The following PTPRD variants were observed in gnomAD, a reference collection of about 807,000 sequenced individuals.
The protein encoded by PTPRD is receptor-type tyrosine-protein phosphatase delta.
PTPRD carries 34 observed loss-of-function variants against 214.5 expected under a neutral mutation model. The ratio of observed to expected loss-of-function variants is 0.16; its 90% CI spans 0.12 to 0.21. The LOEUF (loss-of-function observed/expected upper bound fraction) is 0.21, where lower values mean the gene tolerates loss of function less well. PTPRD is among the 10% of genes least tolerant of loss of function. The pLI is 1.00. For missense variants in PTPRD, 2,545 were observed against 2,398.7 expected (o/e 1.06, Z -1.27); for synonymous variants, 1,128 against 845.7 (o/e 1.33, Z -5.79).
intron 10 of PTPRD, among the ~76,000 whole-genome samples, chr9:9,036,998 T>G (rs1361432333): frequency 6.6e-6 from 1 of 152,168 alleles, no homozygotes; most frequent in Non-Finnish European, 1.5e-5. Flanking sequence ...CACAAAAACG[T>G]ATGCTTCCAC....
At chr9:8,456,321 C>A (rs1473483264) in intron 33 of PTPRD, among the ~76,000 whole-genome samples, 1 of 152,048 alleles carries the variant, frequency 6.6e-6, no homozygotes, top group Non-Finnish European at 1.5e-5. Flanking sequence ...GCAGCCCGAA[C>A]TGCTAGAGAG....
chr9:8,949,033 G>C, intron 11 of PTPRD, among the ~76,000 whole-genome samples: 1 of 151,906 alleles, frequency 6.6e-6, no homozygotes. Flanking sequence ...AGACCAGCCT[G>C]ACTAACATGG....
chr9:9,729,093 A>G (rs2098140952), intron 7 of PTPRD, among the ~76,000 whole-genome samples: 2 of 152,142 alleles, frequency 1.3e-5, no homozygotes, highest in South Asian at 2.1e-4. Flanking sequence ...ATACCCAAAC[A>G]TAATAGCTCC....
chr9:10,502,044 C>T (rs1236236137), intron 2 of PTPRD, among the ~76,000 whole-genome samples: 1 of 151,546 alleles, frequency 6.6e-6, no homozygotes, highest in Non-Finnish European at 1.5e-5. Flanking sequence ...AGAAGAAAAT[C>T]GAGCTTAATT....
At chr9:10,197,315 A>C (rs1232340877) in intron 3 of PTPRD, among the ~76,000 whole-genome samples, 1 of 152,138 alleles carries the variant, frequency 6.6e-6, no homozygotes, top group African/African-American at 2.4e-5. Context: ...GGTAGGAATT[A>C]AACTGAGTTT....
At chr9:10,487,646 G>A (rs1485780222) in intron 2 of PTPRD, among the ~76,000 whole-genome samples, 2 of 151,356 alleles carry the variant, frequency 1.3e-5, no homozygotes, top group Admixed American at 1.3e-4. Context: ...AGTGGGAGTT[G>A]AACAATGAAT....
intron 12 of PTPRD, among the ~76,000 whole-genome samples, chr9:8,691,043 A>G (rs1597123194): frequency 6.6e-6 from 1 of 152,270 alleles, no homozygotes; most frequent in African/African-American, 2.4e-5. Context: ...TTTCTCTCCT[A>G]AGAGTTCAGA....
chr9:8,603,305 G>A (rs549188495), intron 14 of PTPRD, among the ~76,000 whole-genome samples: 2 of 152,026 alleles, frequency 1.3e-5, no homozygotes, highest in Non-Finnish European at 2.9e-5. Context: ...TGCTTTTATT[G>A]TAATTGCAAA....
At chr9:10,030,672 C>T (rs1207054857) in intron 4 of PTPRD, among the ~76,000 whole-genome samples, 1 of 152,164 alleles carries the variant, frequency 6.6e-6, no homozygotes, top group Non-Finnish European at 1.5e-5. Context: ...AGACTGGATT[C>T]CACGTGGAGA....
chr9:10,262,898 G>A (rs1321262299), intron 3 of PTPRD, among the ~76,000 whole-genome samples: 1 of 152,130 alleles, frequency 6.6e-6, no homozygotes, highest in African/African-American at 2.4e-5. Context: ...CATGTTGTGG[G>A]AGGGACCTGA....
At chr9:9,786,689 G>A (rs13440460) in intron 5 of PTPRD, among the ~76,000 whole-genome samples, 2,138 of 152,090 alleles carry the variant, frequency 0.014, 63 homozygotes, top group African/African-American at 0.049. Flanking sequence ...CAGTTAATGG[G>A]TGCAGCACAC....
chr9:10,196,969 C>T (rs765367509), intron 3 of PTPRD, among the ~76,000 whole-genome samples: 2 of 152,098 alleles, frequency 1.3e-5, no homozygotes, highest in Non-Finnish European at 2.9e-5. Context: ...TGGCCCTCAT[C>T]GGAACCTGAC....
At chr9:10,058,835 T>G (rs1482312655) in intron 3 of PTPRD, among the ~76,000 whole-genome samples, 4 of 152,068 alleles carry the variant, frequency 2.6e-5, no homozygotes. Context: ...TGCACCACAT[T>G]TTAGTTGTAA....
intron 37 of PTPRD, among the ~76,000 whole-genome samples, chr9:8,377,349 A>T (rs1418321726): frequency 3.9e-5 from 6 of 152,086 alleles, no homozygotes; most frequent in Non-Finnish European, 7.4e-5. Context: ...CTAACAGTGC[A>T]AAGTTTAAAT....
At chr9:8,875,313 C>T (rs920104477) in intron 11 of PTPRD, among the ~76,000 whole-genome samples, 1 of 152,076 alleles carries the variant, frequency 6.6e-6, no homozygotes, top group African/African-American at 2.4e-5. Context: ...ATCCCGTGAG[C>T]CCAGGAGTTC....
At chr9:9,665,069 G>C (rs890597941) in intron 7 of PTPRD, among the ~76,000 whole-genome samples, 1 of 151,610 alleles carries the variant, frequency 6.6e-6, no homozygotes, top group Admixed American at 6.6e-5. Context: ...TTGTATTAAG[G>C]AGAATGATAC....
At chr9:8,429,787 G>A (rs1488656331) in intron 35 of PTPRD, among the ~76,000 whole-genome samples, 1 of 152,202 alleles carries the variant, frequency 6.6e-6, no homozygotes, top group Non-Finnish European at 1.5e-5. Context: ...ACTGGGCTTT[G>A]TGATGAGAAC....
intron 3 of PTPRD, among the ~76,000 whole-genome samples, chr9:10,248,138 C>G (rs2092374322): frequency 6.6e-6 from 1 of 152,094 alleles, no homozygotes; most frequent in African/African-American, 2.4e-5. Flanking sequence ...AAACCTCTTT[C>G]TTTCTTAAAT....
rs58215302 is a variant in PTPRD, at chr9:9,939,013, C to CT, written c.-471-404dup. On this transcript the variant is annotated intron_variant, in intron 4 of 45. Coordinates refer to ENST00000381196, the MANE Select transcript of PTPRD (RefSeq NM_002839.4). ...TGAAAATAATTCATTTTCTGAATTC[C>CT]TTTTTTTTTTTTTAACCATGAAAAG... Among the ~76,000 whole-genome samples the CT allele has an allele frequency of 4.4e-3, 650 of 148,114 alleles. 6 individuals carry two copies. Among genetic ancestry groups the CT allele is most frequent in the African/African-American group, 0.012 (506 of 40,728 alleles).
Sources: allele counts gnomAD v4.1 joint callset (sites outside exome capture counted in the v4.1 genomes callset), GRCh38; gene constraint gnomAD v4.1.1; transcripts MANE v1.5; gene names NCBI Gene and HGNC (gene_info 2026-07-23, HGNC 2026-07-21).